The following RANBP2 variants were observed in gnomAD, a reference collection of about 807,000 sequenced individuals.
RANBP2 encodes the protein E3 SUMO-protein ligase RanBP2.
In RANBP2, 57 loss-of-function variants were observed where a neutral mutation model predicts 303.6. That is an observed-to-expected ratio of 0.19 (90% CI 0.15 to 0.23). The LOEUF is 0.23. Ranked by LOEUF, RANBP2 falls within the 10% of genes least tolerant of loss-of-function variation. RANBP2 has a pLI of 1.00. For synonymous variants in RANBP2, 1,167 were observed against 1,301.5 expected (o/e 0.90, Z 2.23); for missense variants, 3,138 against 3,780.8 (o/e 0.83, Z 4.46).
the RANBP2 span, among the ~76,000 whole-genome samples, chr2:109,434,183 C>T: frequency 1.3e-5 from 2 of 152,220 alleles, no homozygotes; most frequent in Non-Finnish European, 2.9e-5. Flanking sequence ...CCAGCTGGCA[C>T]CCTCCAGGAA....
chr2:109,105,322 A>G, the RANBP2 span, among the ~76,000 whole-genome samples: 1 of 152,204 alleles, frequency 6.6e-6, no homozygotes, highest in African/African-American at 2.4e-5. Context: ...ACACAACTTC[A>G]GTAAACACAT....
chr2:109,512,161 A>G, the RANBP2 span, among the ~76,000 whole-genome samples: 4 of 152,136 alleles, frequency 2.6e-5, no homozygotes, highest in Non-Finnish European at 5.9e-5. Flanking sequence ...GGCCTGCTGG[A>G]AACTCTCTTC....
chr2:108,848,476 A>T, the RANBP2 span, among the ~76,000 whole-genome samples: 1 of 152,216 alleles, frequency 6.6e-6, no homozygotes, highest in Non-Finnish European at 1.5e-5. Context: ...TAATGGATGG[A>T]TGAATAGGTT....
At chr2:108,841,950 A>G in the RANBP2 span, among the ~76,000 whole-genome samples, 4 of 152,004 alleles carry the variant, frequency 2.6e-5, no homozygotes. Context: ...ATTTGTTTTA[A>G]TTTAGGATCT....
chr2:109,566,891 A>C, the RANBP2 span, among the ~76,000 whole-genome samples: 2 of 152,202 alleles, frequency 1.3e-5, no homozygotes, highest in Non-Finnish European at 2.9e-5. Context: ...TTAATATTTT[A>C]AAATTGACAT....
At chr2:108,759,789 G>A (rs1321534165) in intron 18 of RANBP2, among the ~76,000 whole-genome samples, 1 of 152,114 alleles carries the variant, frequency 6.6e-6, no homozygotes, top group Non-Finnish European at 1.5e-5. Context: ...GGCTTTTTTA[G>A]TGATGTGTGC....
At chr2:109,716,961 A>T in the RANBP2 span, among the ~76,000 whole-genome samples, 1 of 152,252 alleles carries the variant, frequency 6.6e-6, no homozygotes. Context: ...AACTTCTCGC[A>T]GGACTCAGCT....
At chr2:109,392,695 T>C in the RANBP2 span, among the ~76,000 whole-genome samples, 1 of 151,988 alleles carries the variant, frequency 6.6e-6, no homozygotes, top group Non-Finnish European at 1.5e-5. Flanking sequence ...ATTTTTTTTT[T>C]CAGTAGAGAT....
the RANBP2 span, chr2:109,585,388 C>T: frequency 7.6e-7 from 1 of 1,320,562 alleles, no homozygotes; most frequent in South Asian, 1.4e-5. Flanking sequence ...ACTGTAAATG[C>T]CTAGAGTGGT....
chr2:109,156,981 C>T, the RANBP2 span, among the ~76,000 whole-genome samples: 7 of 152,104 alleles, frequency 4.6e-5, no homozygotes, highest in African/African-American at 1.7e-4. Context: ...TTTTTATTTC[C>T]CTCTGAAATC....
rs776103289 is a variant in RANBP2, at chr2:108,758,414, A to G, written c.2468A>G (p.Lys823Arg). 1.2e-6 allele frequency: 2 copies of G among 1,611,746 alleles called. No individual in the cohort carries two copies. Among genetic ancestry groups the G allele is most frequent in the Non-Finnish European group, 1.7e-6 (2 of 1,179,848 alleles). ...MICQQVEAIK[K>R]EMQELKLNSS... Reference sequence around the variant, plus strand: ...TTTGATTTTTTTTTCTTCCAATAGAAAGAAATGCAGGAGTTGAAACTAAAT... The same window carrying G: ...TTTGATTTTTTTTTCTTCCAATAGAGAGAAATGCAGGAGTTGAAACTAAAT... The change falls in exon 18 of 29, where the codon AAA (lysine) becomes AGA (arginine). Residue 823 changes from lysine to arginine, a missense_variant and splice_region_variant. Lys to Arg is a conservative substitution (Grantham distance 26). Around this residue, in one of 20 missense-constraint regions of RANBP2, gnomAD observed 194 missense variants for 197.4 expected, o/e 0.98. Transcript: ENST00000283195.
the RANBP2 span, among the ~76,000 whole-genome samples, chr2:109,074,678 C>A: frequency 6.7e-6 from 1 of 149,878 alleles, no homozygotes; most frequent in South Asian, 2.1e-4. Context: ...CCAGGCTGGG[C>A]AACAGAGCAA....
rs1678556068 is a variant in RANBP2, at chr2:108,785,452, GAATA to G, written c.*1555_*1558del. ...AGTTGATGCCTTCGTCATGATTTTA[GAATA>G]AATTCTTAAGTTAATGCAAGTGCTT... On this transcript the variant is annotated 3_prime_UTR_variant, in exon 29 of 29. Transcript: ENST00000283195. The G allele has an allele frequency of 6.6e-6, 1 of 151,888 alleles. No homozygotes were observed. The highest frequency in any genetic ancestry group is 6.5e-5 in the Admixed American group (1 of 15,270). The allele number at this position is 151,888 out of a possible 1,614,324, so 9.4% of individuals were successfully genotyped here.
the RANBP2 span, among the ~76,000 whole-genome samples, chr2:109,654,313 T>G: frequency 2.0e-5 from 3 of 151,916 alleles, no homozygotes; most frequent in Non-Finnish European, 4.4e-5. Context: ...AAAACTAGGT[T>G]TGGGGTCTAG....
At chr2:109,110,297 G>A in the RANBP2 span, among the ~76,000 whole-genome samples, 1 of 152,170 alleles carries the variant, frequency 6.6e-6, no homozygotes, top group Non-Finnish European at 1.5e-5. Flanking sequence ...ACTGCTCTGG[G>A]GGCAACAGTT....
At chr2:109,370,899 T>A in the RANBP2 span, among the ~76,000 whole-genome samples, 1 of 152,346 alleles carries the variant, frequency 6.6e-6, no homozygotes, top group African/African-American at 2.4e-5. Flanking sequence ...ATAAATGTAG[T>A]TGGACTGAGT....
the RANBP2 span, among the ~76,000 whole-genome samples, chr2:108,992,892 G>T: frequency 6.6e-6 from 1 of 152,160 alleles, no homozygotes; most frequent in African/African-American, 2.4e-5. Flanking sequence ...TTTGTCCCCA[G>T]CTCTGTCAGT....
the RANBP2 span, among the ~76,000 whole-genome samples, chr2:109,576,810 C>T: frequency 6.6e-6 from 1 of 152,004 alleles, no homozygotes; most frequent in Admixed American, 6.6e-5. Context: ...AAATATGAAT[C>T]AGAGCGATTA....
chr2:109,120,736 C>T, the RANBP2 span, among the ~76,000 whole-genome samples: 3 of 151,268 alleles, frequency 2.0e-5, no homozygotes, highest in Admixed American at 1.3e-4. Context: ...AACTGACTCA[C>T]CACCGCTCAG....
Sources: allele counts gnomAD v4.1 joint callset (sites outside exome capture counted in the v4.1 genomes callset), GRCh38; gene constraint gnomAD v4.1.1; regional missense constraint gnomAD v4.1.1; transcripts MANE v1.5; gene names NCBI Gene and HGNC (gene_info 2026-07-23, HGNC 2026-07-21).